The following RGS7 variants were observed in gnomAD, a reference collection of about 807,000 sequenced individuals.
RGS7 encodes the protein regulator of G protein signaling 7.
Under a neutral mutation model 81.1 loss-of-function variants are expected in RGS7, and 27 were observed. That is an observed-to-expected ratio of 0.33 (90% CI 0.25 to 0.46). The LOEUF is 0.46. RGS7 is among the 20% of genes least tolerant of loss of function. RGS7 has a pLI of 1.00. For synonymous variants in RGS7, 208 were observed against 207.7 expected, an observed-to-expected ratio of 1.00 and a Z score of -0.01; for missense variants, 396 against 607.4, an observed-to-expected ratio of 0.65 and a Z score of 3.66.
chr1:241,067,231 C>T (rs951562541), intron 3 of RGS7, among the ~76,000 whole-genome samples: 1 of 152,182 alleles, frequency 6.6e-6, no homozygotes, highest in Non-Finnish European at 1.5e-5. Flanking sequence ...TTCCCCACTA[C>T]AATGGAAGCT....
At chr1:241,220,950 CAAGGAAGGAAGG>C (rs751386119) in intron 2 of RGS7, among the ~76,000 whole-genome samples, 792 of 54,274 alleles carry the variant, frequency 0.015, 19 homozygotes, top group African/African-American at 0.049. Flanking sequence ...AAGGAAGAAG[CAAGGAAGGAAGG>C]AAGGAAGGAA....
chr1:241,130,541 G>A (rs945239864), intron 2 of RGS7, among the ~76,000 whole-genome samples: 7 of 152,186 alleles, frequency 4.6e-5, no homozygotes, highest in Non-Finnish European at 8.8e-5. Flanking sequence ...AATTGTCCAT[G>A]TCTGTTAGTG....
chr1:241,244,236 A>G (rs1197561493), intron 2 of RGS7, among the ~76,000 whole-genome samples: 1 of 152,218 alleles, frequency 6.6e-6, no homozygotes, highest in Non-Finnish European at 1.5e-5. Flanking sequence ...TCCAGAATCT[A>G]CAATGAACTC....
intron 3 of RGS7, among the ~76,000 whole-genome samples, chr1:241,076,385 A>C (rs2062801902): frequency 1.3e-5 from 2 of 152,200 alleles, no homozygotes; most frequent in Admixed American, 6.5e-5. Context: ...CTCCCTAATT[A>C]GTTCAAATTG....
chr1:240,872,754 T>A (rs945940128), intron 6 of RGS7, among the ~76,000 whole-genome samples: 1 of 152,198 alleles, frequency 6.6e-6, no homozygotes, highest in Non-Finnish European at 1.5e-5. Flanking sequence ...CATTGAAGAC[T>A]GACAAAATGA....
chr1:240,903,554 C>A (rs1208230594), intron 6 of RGS7, among the ~76,000 whole-genome samples: 1 of 151,900 alleles, frequency 6.6e-6, no homozygotes. Flanking sequence ...GTTGGCAGAA[C>A]TGGCCTAGTT....
In RGS7 at chr1:240,868,069, GA is replaced by G. The variant is rs1430874493; in HGVS notation, c.609+517del. On this transcript the variant is annotated intron_variant, in intron 9 of 18. Coordinates refer to ENST00000440928, the MANE Select transcript of RGS7 (RefSeq NM_001364886.1). This position sits in a 1 kb window ranked among gnomAD's most constrained non-coding sequence, Gnocchi z 5.1. Reference sequence around the variant, plus strand: ...AAAGAAAGAAAGAAAGAAAAGAAGAGAAAAGAAAGAAAGAAAAAGAAAGAAA... The same window carrying G: ...AAAGAAAGAAAGAAAGAAAAGAAGAGAAAGAAAGAAAGAAAAAGAAAGAAA... Among the ~76,000 whole-genome samples, 11 of 115,984 alleles carry G rather than the reference GA, an allele frequency of 9.5e-5. No homozygotes were observed. The highest frequency in any genetic ancestry group is 1.6e-4 in the African/African-American group (5 of 32,238). The allele number at this position is 115,984 out of a possible 152,430, so 76.1% of individuals were successfully genotyped here. A position where few individuals can be genotyped will look rare whatever the true frequency, so the allele number is the denominator to read the frequency against.
At chr1:240,856,068 C>T (rs1661069291) in intron 9 of RGS7, among the ~76,000 whole-genome samples, 1 of 151,978 alleles carries the variant, frequency 6.6e-6, no homozygotes, top group Non-Finnish European at 1.5e-5. Context: ...TTATTTTATA[C>T]ATTCAGAATA....
intron 2 of RGS7, among the ~76,000 whole-genome samples, chr1:241,188,981 G>C (rs1558170073): frequency 6.6e-6 from 1 of 151,994 alleles, no homozygotes; most frequent in African/African-American, 2.4e-5. Context: ...TGTCACTTTT[G>C]AATTTTTTTT....
At chr1:241,006,905 C>A (rs1218861676) in intron 3 of RGS7, among the ~76,000 whole-genome samples, 2 of 152,174 alleles carry the variant, frequency 1.3e-5, no homozygotes, top group Admixed American at 6.5e-5. Flanking sequence ...AATGCACTTT[C>A]TCTTTCTTCT....
At chr1:240,975,431 A>T (rs752301139) in intron 4 of RGS7, among the ~76,000 whole-genome samples, 1 of 152,140 alleles carries the variant, frequency 6.6e-6, no homozygotes, top group Non-Finnish European at 1.5e-5. Context: ...AAACAAAAAA[A>T]CACAGAAATG....
At chr1:240,776,601 TG>T (rs1682986994) in intron 18 of RGS7, among the ~76,000 whole-genome samples, 1 of 152,226 alleles carries the variant, frequency 6.6e-6, no homozygotes, top group Admixed American at 6.5e-5. Context: ...CTTAGTAAGC[TG>T]CTCTGAAAGA....
Position 240,813,981 on chromosome 1 carries a change from A to G in RGS7, c.846-253T>C, listed in dbSNP as rs1690345066. Reference sequence around the variant, plus strand: ...TGTAAATCAGTATCCCTTGGTTAACATGAAGCACTATGGAAGAGGTCAGTG... The same window carrying G: ...TGTAAATCAGTATCCCTTGGTTAACGTGAAGCACTATGGAAGAGGTCAGTG... On this transcript the variant is annotated intron_variant, in intron 12 of 18. Coordinates refer to ENST00000440928, the MANE Select transcript of RGS7 (RefSeq NM_001364886.1). Among the ~76,000 whole-genome samples the G allele has an allele frequency of 2.0e-5, 3 of 152,198 alleles. No individual in the cohort carries two copies. In the South Asian group the frequency reaches 6.2e-4, roughly 31 times the overall value.
chr1:241,308,868 A>T (rs564684449), intron 2 of RGS7, among the ~76,000 whole-genome samples: 3 of 152,304 alleles, frequency 2.0e-5, no homozygotes, highest in Non-Finnish European at 2.9e-5. Context: ...TGAATTTTTT[A>T]AAAAATTGCA....
intron 3 of RGS7, among the ~76,000 whole-genome samples, chr1:241,018,324 G>A (rs907063304): frequency 2.6e-5 from 4 of 151,492 alleles, no homozygotes; most frequent in African/African-American, 7.3e-5. Context: ...TCATGTTTTC[G>A]CATGCCTTGT....
chr1:241,288,519 G>A (rs2148436532), intron 2 of RGS7, among the ~76,000 whole-genome samples: 1 of 152,250 alleles, frequency 6.6e-6, no homozygotes, highest in South Asian at 2.1e-4. Context: ...TGATAAATGT[G>A]CTGAAGTACG....
intron 9 of RGS7, among the ~76,000 whole-genome samples, chr1:240,834,805 C>G (rs1694437710): frequency 6.6e-6 from 1 of 152,084 alleles, no homozygotes; most frequent in Non-Finnish European, 1.5e-5. Context: ...GCCACCGCGC[C>G]CAGCCCGACT....
At chr1:240,942,472 A>G (rs1020063754) in intron 4 of RGS7, among the ~76,000 whole-genome samples, 9 of 152,240 alleles carry the variant, frequency 5.9e-5, no homozygotes, top group Admixed American at 5.9e-4. Flanking sequence ...CAAGAAAGTA[A>G]TTTAAAAACT....
intron 2 of RGS7, among the ~76,000 whole-genome samples, chr1:241,136,607 G>A (rs1237063117): frequency 6.6e-6 from 1 of 152,202 alleles, no homozygotes; most frequent in Admixed American, 6.5e-5. Context: ...GAAAGGCCGG[G>A]TGATGGCAGA....
Sources: allele counts gnomAD v4.1 joint callset (sites outside exome capture counted in the v4.1 genomes callset), GRCh38; gene constraint gnomAD v4.1.1; non-coding constraint Gnocchi (gnomAD v3.1); transcripts MANE v1.5; gene names NCBI Gene and HGNC (gene_info 2026-07-23, HGNC 2026-07-21).